CCDC186: variants seen among roughly 807,000 people sequenced by gnomAD.
The protein encoded by CCDC186 is coiled-coil domain-containing protein 186.
In CCDC186, 49 loss-of-function variants were observed where a neutral mutation model predicts 113.7. The observed-to-expected ratio is 0.43, with a 90% CI of 0.34 to 0.55. The LOEUF (loss-of-function observed/expected upper bound fraction) is 0.55. CCDC186 is among the 20% of genes least tolerant of loss of function. CCDC186 has a pLI of 0.02. For missense variants in CCDC186, 890 were observed against 1,011.1 expected, an observed-to-expected ratio of 0.88 and a Z score of 1.62; for synonymous variants, 355 against 345.8, an observed-to-expected ratio of 1.03 and a Z score of -0.30.
Position 114,131,992 on chromosome 10 carries a change from A to G in CCDC186, c.1848T>C (p.Val616=). Residue 616 remains valine (V), a synonymous_variant, in exon 11 of 16, where the codon GTT becomes GTC. Transcript: ENST00000369287. ...TTTGTAACTGACTTTCACTACAGGAAACTTTATCAAATTGTGACTGCAAAG... is the reference window on the plus strand; with the variant it reads ...TTTGTAACTGACTTTCACTACAGGAGACTTTATCAAATTGTGACTGCAAAG... ...SNSLQSQFDK[V]SCSESQLQSQ... 6.2e-7 allele frequency: 1 copy of G among 1,613,054 alleles called. No homozygotes were observed. Among genetic ancestry groups the G allele is most frequent in the Non-Finnish European group, 8.5e-7 (1 of 1,179,558 alleles).
chr10:114,138,226 T>G (rs2031340869), intron 6 of CCDC186, among the ~76,000 whole-genome samples: 1 of 148,016 alleles, frequency 6.8e-6, no homozygotes, highest in African/African-American at 2.5e-5. Context: ...GGAAACAGAG[T>G]GAGACTTTGT....
intron 1 of CCDC186, chr10:114,173,205 C>G (rs977812781): frequency 2.2e-6 from 1 of 455,968 alleles, no homozygotes; most frequent in Non-Finnish European, 4.4e-6. Flanking sequence ...ACAAGATTAT[C>G]AAGTGAAAGA....
chr10:114,172,081 A>G (rs2032509102), intron 1 of CCDC186, among the ~76,000 whole-genome samples: 1 of 152,140 alleles, frequency 6.6e-6, no homozygotes, highest in South Asian at 2.1e-4. Context: ...AAATTGAAAA[A>G]CCAGCTTTAG....
Position 114,125,110 on chromosome 10 carries a change from GC to G in CCDC186, c.*32del. 2 of 1,519,254 alleles carry G rather than the reference GC, an allele frequency of 1.3e-6. No homozygotes were observed. Among genetic ancestry groups the G allele is most frequent in the South Asian group, 2.4e-5 (2 of 84,216 alleles). 94.1% of individuals were successfully genotyped at this position (1,519,254 alleles called of 1,614,324 possible). A position where few individuals can be genotyped will look rare whatever the true frequency, so the allele number is the denominator to read the frequency against. On this transcript the variant is annotated 3_prime_UTR_variant, in exon 16 of 16. Transcript: ENST00000369287. ...GGTCAGTGGCACCTACTCCTGTGTG[GC>G]TTTTGTCTCTTTACTGAGCAAGAGG...
intron 9 of CCDC186, 86 bp from the exon 10 acceptor site, chr10:114,135,141 TA>T: frequency 7.8e-7 from 1 of 1,278,502 alleles, no homozygotes; most frequent in Non-Finnish European, 1.0e-6. Context: ...ATGAATAATC[TA>T]AAAATTCTAA....
intron 3 of CCDC186, among the ~76,000 whole-genome samples, chr10:114,152,948 C>G (rs2031899506): frequency 6.6e-6 from 1 of 152,180 alleles, no homozygotes; most frequent in South Asian, 2.1e-4. Context: ...AATGTATATG[C>G]ATCTAAGAAT....
intron 3 of CCDC186, among the ~76,000 whole-genome samples, chr10:114,153,289 A>G (rs566783462): frequency 6.6e-6 from 1 of 152,366 alleles, no homozygotes; most frequent in Non-Finnish European, 1.5e-5. Context: ...ATGAGACCTC[A>G]GTAACAGAAA....
intron 6 of CCDC186, among the ~76,000 whole-genome samples, chr10:114,143,757 C>A (rs2031549206): frequency 6.6e-6 from 1 of 152,136 alleles, no homozygotes; most frequent in Non-Finnish European, 1.5e-5. Flanking sequence ...ATGATTTTAA[C>A]CAATATCATT....
Position 114,174,053 on chromosome 10 carries a change from T to G in CCDC186, c.-100A>C. On this transcript the variant is annotated 5_prime_UTR_variant, in exon 1 of 16. Coordinates refer to ENST00000369287, the MANE Select transcript of CCDC186 (RefSeq NM_018017.4). ...GCCTCAGGCCACGCCCTAACAAGGC[T>G]GCTGGAGCTCTGGCTCAGGGGCCAA... is the stretch of plus-strand genomic sequence containing the variant. The G allele has an allele frequency of 2.1e-6, 1 of 472,042 alleles. No individual in the cohort carries two copies. Among genetic ancestry groups the G allele is most frequent in the Non-Finnish European group, 4.4e-6 (1 of 227,066 alleles). 29.2% of individuals were successfully genotyped at this position (472,042 alleles called of 1,614,324 possible). A position where few individuals can be genotyped will look rare whatever the true frequency, so the allele number is the denominator to read the frequency against.
In CCDC186 at chr10:114,131,948, T is replaced by C. The variant is rs755290939; in HGVS notation, c.1892A>G (p.Lys631Arg). 1 of 1,606,474 alleles carries C rather than the reference T, an allele frequency of 6.2e-7. No homozygotes were observed. The highest frequency in any genetic ancestry group is 8.5e-7 in the Non-Finnish European group (1 of 1,176,118). ...ACTTACCAAATTAATATTTGTCTGT[T>C]TCATTTGTTCACACTGGCTTTGTAA... ...SQLQSQCEQM[K>R]QTNINLESRL... Residue 631 changes from lysine (K) to arginine (R), a missense_variant, in exon 11 of 16, where the codon AAA becomes AGA. Lys to Arg is a conservative substitution (Grantham distance 26). Coordinates refer to ENST00000369287, the MANE Select transcript of CCDC186 (RefSeq NM_018017.4).
intron 12 of CCDC186, 49 bp downstream of exon 12, chr10:114,131,098 T>C: frequency 7.5e-7 from 1 of 1,340,198 alleles, no homozygotes. Flanking sequence ...ATCCTAATGA[T>C]TAAAAGAAAC....
At chr10:114,129,412 G>GTCATGC (rs2031016112) in intron 13 of CCDC186, among the ~76,000 whole-genome samples, 1 of 151,958 alleles carries the variant, frequency 6.6e-6, no homozygotes, top group South Asian at 2.1e-4. Flanking sequence ...GAAACCCCAG[G>GTCATGC]TCATGAGTAG....
At chr10:114,160,290 G>T (rs1287840010) in intron 2 of CCDC186, among the ~76,000 whole-genome samples, 1 of 151,882 alleles carries the variant, frequency 6.6e-6, no homozygotes, top group Non-Finnish European at 1.5e-5. Context: ...AAAAAATTTG[G>T]TTGGAACCTT....
In CCDC186 at chr10:114,125,114, TTG is replaced by T; in HGVS notation, c.*27_*28del. ...AGTGGCACCTACTCCTGTGTGGCTT[TTG>T]TCTCTTTACTGAGCAAGAGGCTTGT... On this transcript the variant is annotated 3_prime_UTR_variant, in exon 16 of 16. Coordinates refer to ENST00000369287, the MANE Select transcript of CCDC186 (RefSeq NM_018017.4). 3 of 1,544,180 alleles carry T rather than the reference TTG, an allele frequency of 1.9e-6. No individual in the cohort carries two copies. The African/African-American group carries it at 4.2e-5, about 21-fold the overall frequency.
chr10:114,158,565 T>TAA (rs776007595), intron 2 of CCDC186, among the ~76,000 whole-genome samples: 3 of 141,366 alleles, frequency 2.1e-5, no homozygotes, highest in Non-Finnish European at 1.6e-5. Flanking sequence ...TTTTACGAAT[T>TAA]AAAAAAAAAA....
Position 114,157,590 on chromosome 10 carries a change from T to G in CCDC186, c.723A>C (p.Thr241=). The G allele has an allele frequency of 6.2e-7, 1 of 1,611,536 alleles. No individual in the cohort carries two copies. Among genetic ancestry groups the G allele is most frequent in the Non-Finnish European group, 8.5e-7 (1 of 1,179,346 alleles). ...TGTTCATATGCTGCTTCTCAGTTTC[T>G]GTTCTTTTCTTTAGTTCTTCTCTTA... ...DNLREELKKR[T]ETEKQHMNTI... Residue 241 remains threonine (T), a synonymous_variant, in exon 3 of 16, where the codon ACA becomes ACC. Transcript: ENST00000369287.
intron 7 of CCDC186, among the ~76,000 whole-genome samples, chr10:114,136,532 A>G (rs1245362911): frequency 6.6e-6 from 1 of 152,212 alleles, no homozygotes; most frequent in Non-Finnish European, 1.5e-5. Flanking sequence ...AAAGTTTTAT[A>G]CTTTGAAAAG....
intron 9 of CCDC186, 122 bp downstream of exon 9, chr10:114,135,769 G>T: frequency 1.3e-6 from 1 of 767,796 alleles, no homozygotes; most frequent in Non-Finnish European, 2.1e-6. Context: ...ACTCTACTGA[G>T]TTCCTTTATT....
In CCDC186 at chr10:114,124,791, G is replaced by A. The variant is rs554897294; in HGVS notation, c.*352C>T. On this transcript the variant is annotated 3_prime_UTR_variant, in exon 16 of 16. Transcript: ENST00000369287. ...TTCATGCATAATTTTTAAAAGGTGAGTCATTTTTGACATTACATATTTTAA... is the reference window on the plus strand; with the variant it reads ...TTCATGCATAATTTTTAAAAGGTGAATCATTTTTGACATTACATATTTTAA... 5.5e-6 allele frequency: 1 copy of A among 180,316 alleles called. No individual in the cohort carries two copies. The highest frequency in any genetic ancestry group is 2.0e-4 in the South Asian group (1 of 5,082). 11.2% of individuals were successfully genotyped at this position (180,316 alleles called of 1,614,324 possible). A position where few individuals can be genotyped will look rare whatever the true frequency, so the allele number is the denominator to read the frequency against.
Sources: gnomAD v4.1 joint callset for allele counts (sites outside exome capture counted in the v4.1 genomes callset) on GRCh38, gnomAD v4.1.1 for gene constraint, MANE v1.5 for transcripts, NCBI Gene and HGNC (gene_info 2026-07-23, HGNC 2026-07-21) for gene names.